EIF2AK4: variants seen among roughly 807,000 people sequenced by gnomAD.
EIF2AK4 encodes eIF-2-alpha kinase GCN2.
In EIF2AK4, 139 loss-of-function variants were observed where a neutral mutation model predicts 211.1. The observed-to-expected ratio is 0.66, with a 90% confidence interval of 0.57 to 0.76. EIF2AK4 has a LOEUF of 0.76. EIF2AK4 is among the 30% of genes least tolerant of loss of function. The pLI, the probability that EIF2AK4 is intolerant of heterozygous loss-of-function variation, is 0.00. For synonymous variants in EIF2AK4, 710 were observed against 751.3 expected (o/e 0.94, Z 0.90); for missense variants, 1,664 against 2,043.8 (o/e 0.81, Z 3.58).
intron 9 of EIF2AK4, among the ~76,000 whole-genome samples, chr15:39,972,075 G>A (rs2034632786): frequency 6.6e-6 from 1 of 152,058 alleles, no homozygotes. Flanking sequence ...GAAAGTATAT[G>A]AGGCCGGGCA....
chr15:40,030,285 G>A, intron 34 of EIF2AK4, 74 bp from the exon 35 acceptor site: 1 of 1,417,124 alleles, frequency 7.1e-7, no homozygotes, highest in Non-Finnish European at 9.8e-7. Flanking sequence ...AATAAACTCT[G>A]CCATCTCTCT....
intron 37 of EIF2AK4, among the ~76,000 whole-genome samples, chr15:40,033,628 T>G (rs6492926): frequency 0.93 from 141,360 of 152,228 alleles, 65,713 homozygotes; most frequent in African/African-American, 0.95. Flanking sequence ...TATATCATTT[T>G]TTGTTCTCTT....
At chr15:40,023,657 C>T (rs141775647) in intron 32 of EIF2AK4, among the ~76,000 whole-genome samples, 1 of 152,248 alleles carries the variant, frequency 6.6e-6, no homozygotes, top group African/African-American at 2.4e-5. Flanking sequence ...TTTGTGTCCT[C>T]CCTCTTTTTT....
intron 21 of EIF2AK4, chr15:40,002,398 C>A (rs2035105353): frequency 3.8e-6 from 1 of 265,972 alleles, no homozygotes; most frequent in Non-Finnish European, 7.2e-6. Flanking sequence ...GCCACAGTAT[C>A]CCTGAGAGTC....
At chr15:40,015,382 A>T (rs1312919294) in intron 27 of EIF2AK4, among the ~76,000 whole-genome samples, 2 of 152,244 alleles carry the variant, frequency 1.3e-5, no homozygotes, top group African/African-American at 4.8e-5. Context: ...GGTGGAAAGC[A>T]AAGAGGAACA....
chr15:39,996,163 A>G lies in EIF2AK4; in HGVS notation c.2767-801A>G, dbSNP rs529752323. Among the ~76,000 whole-genome samples, 3 of 152,310 alleles carry G rather than the reference A, an allele frequency of 2.0e-5. No homozygotes were observed. In the South Asian group the frequency reaches 6.2e-4, roughly 32 times the overall value. Reference sequence around the variant, plus strand: ...ACCTAACATAATGTCCTGCAGGTTCATCTATGTTGTCACAAATGGCAAGAT... The same window carrying G: ...ACCTAACATAATGTCCTGCAGGTTCGTCTATGTTGTCACAAATGGCAAGAT... On this transcript the variant is annotated intron_variant, in intron 18 of 38. Coordinates refer to ENST00000263791, the MANE Select transcript of EIF2AK4 (RefSeq NM_001013703.4).
At chr15:39,992,339 T>G (rs1432918332) in intron 17 of EIF2AK4, 110 bp downstream of exon 17, 3 of 880,058 alleles carry the variant, frequency 3.4e-6, no homozygotes. Flanking sequence ...AGATTTTAAT[T>G]GCTCCTTAAG....
At chr15:39,996,854 T>C in intron 18 of EIF2AK4, 110 bp from the exon 19 acceptor site, 1 of 759,968 alleles carries the variant, frequency 1.3e-6, no homozygotes, top group Non-Finnish European at 2.3e-6. Context: ...TGTGACCTGT[T>C]TTGTACTCCT....
intron 12 of EIF2AK4, 99 bp from the exon 13 acceptor site, chr15:39,977,979 G>C: frequency 1.3e-6 from 1 of 750,772 alleles, no homozygotes; most frequent in Non-Finnish European, 2.2e-6. Context: ...ATGGTGTGAT[G>C]TCTGTAGCCT....
chr15:40,028,211 C>T (rs777217693), intron 33 of EIF2AK4, among the ~76,000 whole-genome samples: 9 of 151,834 alleles, frequency 5.9e-5, no homozygotes, highest in South Asian at 2.1e-4. Context: ...TAGCTGGGAC[C>T]GTAGTCATGT....
Position 39,955,783 on chromosome 15 carries a change from T to C in EIF2AK4, c.743+15T>C. 2 of 1,573,122 alleles carry C rather than the reference T, an allele frequency of 1.3e-6. No homozygotes were observed. Among genetic ancestry groups the C allele is most frequent in the Non-Finnish European group, 1.7e-6 (2 of 1,163,384 alleles). On this transcript the variant is annotated intron_variant, in intron 6 of 38. Coordinates refer to ENST00000263791, the MANE Select transcript of EIF2AK4 (RefSeq NM_001013703.4). The stretch of plus-strand genomic sequence containing the variant: ...GGAAGGTCTAGGTAAGTCCCTGGGA[T>C]TTCTGATCTGGGAGAATGACAGATG...
rs2307104 is a variant in EIF2AK4 at position 39,990,500 on chromosome 15, T to C, written c.2631+123T>C. 0.42 allele frequency: 351,135 copies of C among 830,604 alleles called. 79,701 individuals carry two copies. The highest frequency in any genetic ancestry group is 0.49 in the Non-Finnish European group (255,052 of 519,334). 51.5% of individuals were successfully genotyped at this position (830,604 alleles called of 1,614,324 possible). A position where few individuals can be genotyped will look rare whatever the true frequency, so the allele number is the denominator to read the frequency against. Reference sequence around the variant, plus strand: ...ATGCCGTCTAATCCTCAGGAGATTATACAAACCTGAAGGGGTATGCTGCAA... The same window carrying C: ...ATGCCGTCTAATCCTCAGGAGATTACACAAACCTGAAGGGGTATGCTGCAA... On this transcript the variant is annotated intron_variant, in intron 16 of 38. Coordinates refer to ENST00000263791, the MANE Select transcript of EIF2AK4 (RefSeq NM_001013703.4).
chr15:39,964,179 G>A (rs901666782), intron 7 of EIF2AK4, among the ~76,000 whole-genome samples: 6 of 152,174 alleles, frequency 3.9e-5, no homozygotes, highest in African/African-American at 1.4e-4. Context: ...AAAAGTCAAA[G>A]TGAGCTAGTT....
chr15:39,985,795 C>T lies in EIF2AK4; in HGVS notation c.2320-10C>T, dbSNP rs762723553. The T allele has an allele frequency of 1.2e-6, 2 of 1,613,852 alleles. No homozygotes were observed. The highest frequency in any genetic ancestry group is 2.2e-5 in the South Asian group (2 of 91,022). ...CCATTTTGAGTTATTGTGTGTTCGT[C>T]TTGGGTTAGGATGAAGATTGCAATG... is the stretch of plus-strand genomic sequence containing the variant. On this transcript the variant is annotated splice_polypyrimidine_tract_variant and intron_variant, in intron 13 of 38. Coordinates refer to ENST00000263791, the MANE Select transcript of EIF2AK4 (RefSeq NM_001013703.4).
At chr15:39,979,221 T>C (rs1339120719) in intron 13 of EIF2AK4, among the ~76,000 whole-genome samples, 1 of 152,220 alleles carries the variant, frequency 6.6e-6, no homozygotes, top group Non-Finnish European at 1.5e-5. Context: ...CTAGACGTTA[T>C]AAAATCATGG....
intron 33 of EIF2AK4, among the ~76,000 whole-genome samples, chr15:40,026,457 G>A (rs1355386433): frequency 6.6e-6 from 1 of 152,052 alleles, no homozygotes; most frequent in Non-Finnish European, 1.5e-5. Flanking sequence ...CCCTGTCTAA[G>A]AAAAACAAAA....
rs376506622 is a variant in EIF2AK4 at position 40,024,381 on chromosome 15, A to G, written c.4390-1596A>G. ...TATATTTAAAGTGAGTTTCTTATACACAGTCACTAGGTTGAGTTTTCCTTT... is the reference window on the plus strand; with the variant it reads ...TATATTTAAAGTGAGTTTCTTATACGCAGTCACTAGGTTGAGTTTTCCTTT... On this transcript the variant is annotated intron_variant, in intron 32 of 38. Transcript: ENST00000263791. Among the ~76,000 whole-genome samples the G allele has an allele frequency of 2.8e-5, 4 of 142,588 alleles. No homozygotes were observed. In the East Asian group the frequency reaches 6.1e-4, roughly 22 times the overall value. The allele number at this position is 142,588 out of a possible 152,430, so 93.5% of individuals were successfully genotyped here. A position where few individuals can be genotyped will look rare whatever the true frequency, so the allele number is the denominator to read the frequency against.
intron 10 of EIF2AK4, 52 bp downstream of exon 10, chr15:39,973,066 T>C (rs769154152): frequency 6.6e-7 from 1 of 1,521,736 alleles, no homozygotes; most frequent in South Asian, 1.1e-5. Flanking sequence ...TTAAATTATT[T>C]TGAAAGTATA....
chr15:39,943,082 C>A (rs894672922), intron 2 of EIF2AK4, among the ~76,000 whole-genome samples: 1 of 150,884 alleles, frequency 6.6e-6, no homozygotes, highest in Non-Finnish European at 1.5e-5. Context: ...CAGGTCAAAT[C>A]GTAGGAAATA....
Sources: gnomAD v4.1 joint callset for allele counts (sites outside exome capture counted in the v4.1 genomes callset) on GRCh38, gnomAD v4.1.1 for gene constraint, MANE v1.5 for transcripts, NCBI Gene and HGNC (gene_info 2026-07-23, HGNC 2026-07-21) for gene names.